Variants in ARPP21 observed in about 807,000 individuals in gnomAD.
The protein encoded by ARPP21 is cAMP-regulated phosphoprotein 21.
Under a neutral mutation model 113.2 loss-of-function variants are expected in ARPP21, and 69 were observed. The observed-to-expected ratio is 0.61, with a 90% CI of 0.50 to 0.74. ARPP21 has a LOEUF of 0.74. ARPP21 is among the 30% of genes least tolerant of loss of function. The pLI, the probability that ARPP21 is intolerant of heterozygous loss-of-function variation, is 0.00. For synonymous variants in ARPP21, 368 were observed against 375.5 expected (o/e 0.98, Z 0.23); for missense variants, 1,070 against 1,037.4 (o/e 1.03, Z -0.43).
intron 19 of ARPP21, among the ~76,000 whole-genome samples, chr3:35,770,982 T>C (rs1335700934): frequency 1.3e-5 from 2 of 152,206 alleles, no homozygotes; most frequent in African/African-American, 4.8e-5. Flanking sequence ...GGTCATGAAT[T>C]GAGGGAGCTG....
At chr3:35,676,990 A>G (rs1343416247) in intron 1 of ARPP21, among the ~76,000 whole-genome samples, 1 of 151,928 alleles carries the variant, frequency 6.6e-6, no homozygotes, top group African/African-American at 2.4e-5. Context: ...GCTTAAAAAG[A>G]AGAAGCAGTG....
At chr3:35,779,789 G>C (rs527995509) in intron 19 of ARPP21, among the ~76,000 whole-genome samples, 8 of 152,286 alleles carry the variant, frequency 5.3e-5, no homozygotes, top group Middle Eastern at 3.4e-3. Context: ...GCCTTGCCAA[G>C]TTTGAGAATG....
chr3:35,668,691 T>C (rs182553748), intron 1 of ARPP21, among the ~76,000 whole-genome samples: 30 of 152,334 alleles, frequency 2.0e-4, no homozygotes, highest in African/African-American at 7.0e-4. Context: ...ATTATGATAC[T>C]AATAATGCCT....
At chr3:35,663,330 C>T (rs1708671431) in intron 1 of ARPP21, among the ~76,000 whole-genome samples, 1 of 152,178 alleles carries the variant, frequency 6.6e-6, no homozygotes, top group African/African-American at 2.4e-5. Flanking sequence ...TTGGAAATAA[C>T]AATCAATCAC....
intron 19 of ARPP21, among the ~76,000 whole-genome samples, chr3:35,747,981 G>A (rs1312120603): frequency 6.8e-6 from 1 of 146,166 alleles, no homozygotes; most frequent in Non-Finnish European, 1.5e-5. Flanking sequence ...GAGAGAGGGA[G>A]GGAAGGAGGA....
At chr3:35,757,305 C>T (rs1158555216) in intron 19 of ARPP21, among the ~76,000 whole-genome samples, 1 of 152,116 alleles carries the variant, frequency 6.6e-6, no homozygotes, top group East Asian at 1.9e-4. Context: ...TCAATTGATC[C>T]TTCCACCTTG....
chr3:35,701,329 T>C (rs534481147), intron 9 of ARPP21, among the ~76,000 whole-genome samples: 2 of 151,882 alleles, frequency 1.3e-5, no homozygotes, highest in African/African-American at 4.8e-5. Flanking sequence ...AGAATTGCTG[T>C]TCTATAAAGT....
At chr3:35,666,706 G>T (rs1025001058) in intron 1 of ARPP21, among the ~76,000 whole-genome samples, 6 of 151,806 alleles carry the variant, frequency 4.0e-5, no homozygotes, top group Non-Finnish European at 7.4e-5. Context: ...TCTATTTTTT[G>T]ATTAAATGGG....
intron 20 of ARPP21, 46 bp from the exon 21 acceptor site, chr3:35,793,655 C>CA: frequency 6.9e-7 from 1 of 1,458,966 alleles, no homozygotes. Flanking sequence ...TTGTACAGAC[C>CA]AAAATAGTCT....
chr3:35,738,337 A>G lies in ARPP21; in HGVS notation c.1749+19A>G, dbSNP rs1298227684. 6.7e-7 allele frequency: 1 copy of G among 1,502,240 alleles called. No individual in the cohort carries two copies. The highest frequency in any genetic ancestry group is 9.0e-7 in the Non-Finnish European group (1 of 1,116,556). 93.1% of individuals were successfully genotyped at this position (1,502,240 alleles called of 1,614,324 possible). A position where few individuals can be genotyped will look rare whatever the true frequency, so the allele number is the denominator to read the frequency against. ...TCCCATGGTACTGTATTATGTGTAT[A>G]TGACTTTTTCCCCTAGGAAAGCATA... On this transcript the variant is annotated intron_variant, in intron 17 of 20. Transcript: ENST00000684406.
At chr3:35,715,275 T>A in intron 11 of ARPP21, 164 bp from the exon 12 acceptor site, 1 of 609,844 alleles carries the variant, frequency 1.6e-6, no homozygotes, top group South Asian at 2.1e-5. Context: ...TTTACTTTTC[T>A]AATCCTAACC....
rs555634841 is a variant in ARPP21, at chr3:35,753,845, C to A, written c.2137+9880C>A. Among the ~76,000 whole-genome samples, 14 of 151,492 alleles carry A rather than the reference C, an allele frequency of 9.2e-5. No homozygotes were observed. The South Asian group carries it at 2.9e-3, about 32-fold the overall frequency. ...GTTCTGAAACACATTTGGGATGGGG[C>A]AAAATGTACCTTAATGGAATTTACA... On this transcript the variant is annotated intron_variant, in intron 19 of 20. Transcript: ENST00000684406.
chr3:35,748,353 GGAGA>G (rs1041660611), intron 19 of ARPP21, among the ~76,000 whole-genome samples: 6 of 140,762 alleles, frequency 4.3e-5, no homozygotes, highest in Non-Finnish European at 7.7e-5. Context: ...AAGGGAGAAA[GGAGA>G]GAGAGAAAGA....
Position 35,687,722 on chromosome 3 carries a change from T to C in ARPP21, c.262-17T>C, listed in dbSNP as rs748357233. On this transcript the variant is annotated splice_polypyrimidine_tract_variant and intron_variant, in intron 5 of 20. Coordinates refer to ENST00000684406, the MANE Select transcript of ARPP21 (RefSeq NM_001385562.1). ...GATTAAACCTGGCCCTAAATTATTA[T>C]ATTTTTTCCCCAACAGGAATCAATT... is the stretch of plus-strand genomic sequence containing the variant. 1.3e-6 allele frequency: 2 copies of C among 1,594,054 alleles called. No individual in the cohort carries two copies. Among genetic ancestry groups the C allele is most frequent in the South Asian group, 2.3e-5 (2 of 86,646 alleles).
intron 19 of ARPP21, chr3:35,792,095 G>A: frequency 3.6e-6 from 1 of 276,324 alleles, no homozygotes; most frequent in Non-Finnish European, 6.8e-6. Context: ...TATCAATAGA[G>A]TCTTCTGTTT....
intron 6 of ARPP21, 60 bp from the exon 7 acceptor site, chr3:35,689,247 C>T: frequency 1.2e-6 from 1 of 830,066 alleles, no homozygotes; most frequent in East Asian, 2.5e-5. Context: ...TTGGGGAAAC[C>T]TTTTCTACCC....
intron 19 of ARPP21, among the ~76,000 whole-genome samples, chr3:35,767,487 T>G (rs985436422): frequency 6.6e-6 from 1 of 152,154 alleles, no homozygotes; most frequent in African/African-American, 2.4e-5. Flanking sequence ...TCTTGAATGA[T>G]AAGAAAATAA....
intron 9 of ARPP21, among the ~76,000 whole-genome samples, chr3:35,695,288 A>G (rs1382777375): frequency 1.3e-5 from 2 of 151,560 alleles, no homozygotes; most frequent in African/African-American, 4.8e-5. Context: ...TGATAAGAGC[A>G]GAGATGTTAT....
At chr3:35,792,096 T>C in intron 19 of ARPP21, 1 of 273,842 alleles carries the variant, frequency 3.7e-6, no homozygotes, top group Non-Finnish European at 6.9e-6. Context: ...ATCAATAGAG[T>C]CTTCTGTTTT....
Sources: allele counts gnomAD v4.1 joint callset (sites outside exome capture counted in the v4.1 genomes callset), GRCh38; gene constraint gnomAD v4.1.1; transcripts MANE v1.5; gene names NCBI Gene and HGNC (gene_info 2026-07-23, HGNC 2026-07-21).